The following RORB variants were observed in gnomAD, a reference collection of about 807,000 sequenced individuals.
RORB encodes RAR related orphan receptor B, also known as nuclear receptor ROR-beta.
RORB carries 6 observed loss-of-function variants against 59.1 expected under a neutral mutation model. The observed-to-expected ratio is 0.10, with a 90% CI of 0.06 to 0.20. The LOEUF (loss-of-function observed/expected upper bound fraction) is 0.20, where lower values mean the gene tolerates loss of function less well. RORB is among the 10% of genes least tolerant of loss of function. RORB has a pLI of 1.00. For synonymous variants in RORB, 215 were observed against 204.5 expected (o/e 1.05, Z -0.44); for missense variants, 320 against 560.5 (o/e 0.57, Z 4.33).
At chr9:74,511,181 A>G (rs913753445) in intron 1 of RORB, among the ~76,000 whole-genome samples, 1 of 152,174 alleles carries the variant, frequency 6.6e-6, no homozygotes, top group Admixed American at 6.6e-5. Flanking sequence ...GATGTATTCA[A>G]TATACGTCAC....
chr9:74,661,218 T>A (rs1339189836), intron 5 of RORB, among the ~76,000 whole-genome samples: 1 of 152,224 alleles, frequency 6.6e-6, no homozygotes, highest in Non-Finnish European at 1.5e-5. Context: ...ACTCATCCCA[T>A]ATTTTCATTA....
At chr9:74,681,078 T>C (rs918321983) in intron 9 of RORB, among the ~76,000 whole-genome samples, 3 of 152,226 alleles carry the variant, frequency 2.0e-5, no homozygotes, top group Non-Finnish European at 4.4e-5. Context: ...TGCCTTTTGA[T>C]AGATCCTCTG....
At chr9:74,656,181 A>T (rs995099299) in intron 4 of RORB, among the ~76,000 whole-genome samples, 1 of 152,210 alleles carries the variant, frequency 6.6e-6, no homozygotes. Flanking sequence ...AGACAGATGG[A>T]CATCTTCAAC....
chr9:74,602,798 A>G (rs1339457990), intron 1 of RORB, among the ~76,000 whole-genome samples: 1 of 152,196 alleles, frequency 6.6e-6, no homozygotes, highest in Non-Finnish European at 1.5e-5. Flanking sequence ...TAAATGGTGA[A>G]AATTTTTAAA....
At chr9:74,515,767 A>G (rs1216017845) in intron 1 of RORB, among the ~76,000 whole-genome samples, 1 of 152,098 alleles carries the variant, frequency 6.6e-6, no homozygotes, top group African/African-American at 2.4e-5. Context: ...CCCAAATGAC[A>G]TCTGTAACCA....
intron 9 of RORB, among the ~76,000 whole-genome samples, chr9:74,678,440 A>G (rs556247891): frequency 6.6e-6 from 1 of 152,336 alleles, no homozygotes; most frequent in African/African-American, 2.4e-5. Context: ...TATCATCAAC[A>G]TGAGAGAGAA....
intron 1 of RORB, among the ~76,000 whole-genome samples, chr9:74,533,491 G>C (rs1423452029): frequency 1.3e-5 from 2 of 152,022 alleles, no homozygotes; most frequent in Non-Finnish European, 2.9e-5. Flanking sequence ...GAGTCCCTTT[G>C]ACATGTATGC....
At chr9:74,567,712 G>A (rs991963696) in intron 1 of RORB, among the ~76,000 whole-genome samples, 30 of 152,066 alleles carry the variant, frequency 2.0e-4, no homozygotes, top group Admixed American at 1.4e-3. Flanking sequence ...GTTCCCACTC[G>A]TAAGGAAAAT....
At chr9:74,634,871 G>T (rs1823676537) in intron 3 of RORB, 99 bp downstream of exon 3, 1 of 1,144,878 alleles carries the variant, frequency 8.7e-7, no homozygotes, top group South Asian at 1.8e-5. Context: ...TGAGGGAATT[G>T]GGGATAAGAA....
At chr9:74,627,686 G>C (rs1322987313) in intron 1 of RORB, among the ~76,000 whole-genome samples, 1 of 151,920 alleles carries the variant, frequency 6.6e-6, no homozygotes, top group Non-Finnish European at 1.5e-5. Flanking sequence ...TTTATGCAAA[G>C]AGAACCTTTG....
intron 9 of RORB, among the ~76,000 whole-genome samples, chr9:74,681,083 C>G (rs2118572482): frequency 6.6e-6 from 1 of 152,222 alleles, no homozygotes; most frequent in African/African-American, 2.4e-5. Flanking sequence ...TTTGATAGAT[C>G]CTCTGTCTAC....
chr9:74,654,543 G>A (rs1195813444), intron 4 of RORB, among the ~76,000 whole-genome samples: 1 of 151,912 alleles, frequency 6.6e-6, no homozygotes, highest in African/African-American at 2.4e-5. Flanking sequence ...TCTTCTTATT[G>A]CACACATCAA....
chr9:74,529,468 AT>A (rs1414892331), intron 1 of RORB, among the ~76,000 whole-genome samples: 4 of 151,820 alleles, frequency 2.6e-5, no homozygotes, highest in African/African-American at 7.2e-5. Flanking sequence ...CAATATTTCA[AT>A]CTTTGAAAAT....
At chr9:74,500,130 C>G (rs1403141121) in intron 1 of RORB, among the ~76,000 whole-genome samples, 1 of 152,166 alleles carries the variant, frequency 6.6e-6, no homozygotes, top group African/African-American at 2.4e-5. Flanking sequence ...AGGGCGCCAG[C>G]CTCGCCAGGC....
intron 5 of RORB, among the ~76,000 whole-genome samples, chr9:74,661,460 G>A (rs911419478): frequency 1.3e-5 from 2 of 151,774 alleles, no homozygotes; most frequent in African/African-American, 4.8e-5. Context: ...TATATAAATA[G>A]GGAAACAAAG....
chr9:74,571,157 C>T (rs1436064374), intron 1 of RORB, among the ~76,000 whole-genome samples: 1 of 151,948 alleles, frequency 6.6e-6, no homozygotes, highest in Admixed American at 6.6e-5. Flanking sequence ...AGAGTCAGAG[C>T]ATTTCCTAAA....
chr9:74,590,858 G>A (rs1473382612), intron 1 of RORB, among the ~76,000 whole-genome samples: 3 of 152,120 alleles, frequency 2.0e-5, no homozygotes, highest in Non-Finnish European at 4.4e-5. Context: ...GTGCAGTGGT[G>A]CAATCTTGGC....
chr9:74,649,106 G>A (rs904859106), intron 4 of RORB, among the ~76,000 whole-genome samples: 3 of 151,942 alleles, frequency 2.0e-5, no homozygotes, highest in Non-Finnish European at 4.4e-5. Context: ...TGGGATTACA[G>A]GCCTGGCTAA....
Position 74,532,993 on chromosome 9 carries a change from GC to G in RORB, c.7+35015del, listed in dbSNP as rs1826270729. ...TCTTTTAAAAAGTTAGGAGATTGGGGCCCCCACTCCCATAAGGCAGCACATC... is the reference window on the plus strand; with the variant it reads ...TCTTTTAAAAAGTTAGGAGATTGGGGCCCCACTCCCATAAGGCAGCACATC... On this transcript the variant is annotated intron_variant, in intron 1 of 9. Transcript: ENST00000376896. 3.3e-5 allele frequency among the ~76,000 whole-genome samples: 5 copies of G among 151,470 alleles called. No individual in the cohort carries two copies. The Admixed American group carries it at 3.3e-4, about 10-fold the overall frequency.
Sources: gnomAD v4.1 joint callset for allele counts (sites outside exome capture counted in the v4.1 genomes callset) on GRCh38, gnomAD v4.1.1 for gene constraint, MANE v1.5 for transcripts, NCBI Gene and HGNC (gene_info 2026-07-23, HGNC 2026-07-21) for gene names.